The following CADPS variants were observed in gnomAD, a reference collection of about 807,000 sequenced individuals.
CADPS encodes the protein calcium dependent secretion activator, also known as calcium-dependent secretion activator 1.
In CADPS, 57 loss-of-function variants were observed where a neutral mutation model predicts 167.3. The observed-to-expected ratio is 0.34, with a 90% CI of 0.28 to 0.42. The LOEUF (loss-of-function observed/expected upper bound fraction) is 0.42, where lower values mean the gene tolerates loss of function less well. Ranked by LOEUF, CADPS falls within the 20% of genes least tolerant of loss-of-function variation. The pLI is 1.00. For missense variants in CADPS, 1,414 were observed against 1,738.1 expected (o/e 0.81, Z 3.32); for synonymous variants, 676 against 635.3 (o/e 1.06, Z -0.96).
At chr3:62,429,781 A>T (rs1162528925) in intron 28 of CADPS, among the ~76,000 whole-genome samples, 1 of 152,202 alleles carries the variant, frequency 6.6e-6, no homozygotes, top group East Asian at 1.9e-4. Context: ...CTGTGACCTT[A>T]ACGTAACAGA....
At chr3:62,622,399 C>T (rs573130981) in intron 6 of CADPS, among the ~76,000 whole-genome samples, 1 of 152,202 alleles carries the variant, frequency 6.6e-6, no homozygotes, top group South Asian at 2.1e-4. Flanking sequence ...TTTTCCGGGC[C>T]ACTGAAACTT....
intron 3 of CADPS, among the ~76,000 whole-genome samples, chr3:62,723,409 G>A (rs2076170428): frequency 6.6e-6 from 1 of 152,130 alleles, no homozygotes; most frequent in South Asian, 2.1e-4. Flanking sequence ...AGAGGAAAAT[G>A]GACACAGTGT....
intron 1 of CADPS, among the ~76,000 whole-genome samples, chr3:62,867,515 C>A (rs1005916142): frequency 6.6e-6 from 1 of 152,036 alleles, no homozygotes; most frequent in African/African-American, 2.4e-5. Flanking sequence ...AATGTCTCAA[C>A]AAAAGTGAAA....
intron 6 of CADPS, among the ~76,000 whole-genome samples, chr3:62,637,207 AG>A (rs1214572822): frequency 2.6e-5 from 4 of 152,098 alleles, no homozygotes; most frequent in African/African-American, 9.7e-5. Context: ...TTTCAAATTT[AG>A]GGAAACTGAG....
At chr3:62,536,067 A>G (rs1272048713) in intron 12 of CADPS, 1 of 173,758 alleles carries the variant, frequency 5.8e-6, no homozygotes, top group African/African-American at 2.4e-5. Flanking sequence ...ATGTAATGAG[A>G]TAGGATTACC....
intron 1 of CADPS, among the ~76,000 whole-genome samples, chr3:62,794,697 T>C (rs1036589184): frequency 1.3e-5 from 2 of 148,216 alleles, no homozygotes; most frequent in African/African-American, 5.0e-5. Flanking sequence ...CTTTTTTCCC[T>C]AAGGATGGGA....
intron 3 of CADPS, among the ~76,000 whole-genome samples, chr3:62,685,840 C>T (rs2077926536): frequency 6.6e-6 from 1 of 152,090 alleles, no homozygotes; most frequent in African/African-American, 2.4e-5. Context: ...TCTAATTCTG[C>T]CACTGATCTG....
At chr3:62,464,080 T>C (rs1216974766) in intron 26 of CADPS, among the ~76,000 whole-genome samples, 1 of 152,206 alleles carries the variant, frequency 6.6e-6, no homozygotes, top group East Asian at 1.9e-4. Flanking sequence ...ATAGTTGCCA[T>C]TTATTGAACT....
intron 24 of CADPS, among the ~76,000 whole-genome samples, chr3:62,472,113 A>G (rs984419131): frequency 1.3e-5 from 2 of 152,188 alleles, no homozygotes; most frequent in Non-Finnish European, 2.9e-5. Flanking sequence ...ACGGCCACAT[A>G]TTGTATGATT....
At chr3:62,599,564 T>C (rs2059407513) in intron 6 of CADPS, among the ~76,000 whole-genome samples, 1 of 99,876 alleles carries the variant, frequency 1.0e-5, no homozygotes, top group Non-Finnish European at 1.8e-5. Context: ...AATTATATAA[T>C]TATATAAATT....
chr3:62,729,754 A>G (rs952782404), intron 3 of CADPS, among the ~76,000 whole-genome samples: 7 of 151,794 alleles, frequency 4.6e-5, no homozygotes, highest in Admixed American at 6.6e-5. Flanking sequence ...GTAACCTTGT[A>G]TATCCTGCCT....
chr3:62,572,562 C>T (rs570614596), intron 8 of CADPS, among the ~76,000 whole-genome samples: 1 of 152,258 alleles, frequency 6.6e-6, no homozygotes, highest in South Asian at 2.1e-4. Flanking sequence ...GTGCCTCAAA[C>T]TTTGGCCTCT....
In CADPS at chr3:62,588,302, T is replaced by TTC. The variant is rs948896822; in HGVS notation, c.1438-2979_1438-2978insGA. 4.0e-5 allele frequency among the ~76,000 whole-genome samples: 6 copies of TTC among 151,702 alleles called. No individual in the cohort carries two copies. In the South Asian group the frequency reaches 1.3e-3, roughly 32 times the overall value. Reference sequence around the variant, plus strand: ...TGCTTCATTTCCAGGTCTTTCTTTTTTTTTTTTTTTTCCTAGCAGAACACT... The same window carrying TTC: ...TGCTTCATTTCCAGGTCTTTCTTTTTTCTTTTTTTTTTTCCTAGCAGAACACT... On this transcript the variant is annotated intron_variant, in intron 7 of 29. Transcript: ENST00000383710.
chr3:62,844,401 A>G (rs1334230183), intron 1 of CADPS, among the ~76,000 whole-genome samples: 3 of 152,190 alleles, frequency 2.0e-5, no homozygotes, highest in Non-Finnish European at 2.9e-5. Context: ...ACTTTTTGAC[A>G]TAATTGCCTG....
intron 8 of CADPS, among the ~76,000 whole-genome samples, chr3:62,572,287 G>A (rs2081431497): frequency 1.3e-5 from 2 of 152,114 alleles, no homozygotes; most frequent in African/African-American, 4.8e-5. Context: ...CAGTCGCCAA[G>A]TGCAGTTGAG....
At chr3:62,720,818 T>G (rs534886488) in intron 3 of CADPS, among the ~76,000 whole-genome samples, 240 of 151,474 alleles carry the variant, frequency 1.6e-3, no homozygotes, top group African/African-American at 5.2e-3. Flanking sequence ...GTTAGTTTTT[T>G]TTTTTTTTTT....
At chr3:62,756,398 G>T (rs937926518) in intron 2 of CADPS, among the ~76,000 whole-genome samples, 1 of 152,076 alleles carries the variant, frequency 6.6e-6, no homozygotes, top group Admixed American at 6.6e-5. Flanking sequence ...ATACACCAAA[G>T]GAATTGAACA....
In CADPS at chr3:62,495,024, G is replaced by A. The variant is rs542472864; in HGVS notation, c.2707-1359C>T. Reference sequence around the variant, plus strand: ...AGGTCATAAGAAGTGCCACTTCTACGATCTATAGAGAACTTCATCCCTCAT... The same window carrying A: ...AGGTCATAAGAAGTGCCACTTCTACAATCTATAGAGAACTTCATCCCTCAT... On this transcript the variant is annotated intron_variant, in intron 18 of 29. Transcript: ENST00000383710. Among the ~76,000 whole-genome samples, 3 of 152,170 alleles carry A rather than the reference G, an allele frequency of 2.0e-5. No homozygotes were observed. In the East Asian group the frequency reaches 5.8e-4, roughly 29 times the overall value.
intron 1 of CADPS, among the ~76,000 whole-genome samples, chr3:62,827,545 C>G (rs141847265): frequency 1.3e-3 from 200 of 152,244 alleles, no homozygotes; most frequent in Non-Finnish European, 2.1e-3. Context: ...TGCCTTTGGT[C>G]TCTAAATTCA....
Sources: gnomAD v4.1 joint callset for allele counts (sites outside exome capture counted in the v4.1 genomes callset) on GRCh38, gnomAD v4.1.1 for gene constraint, MANE v1.5 for transcripts, NCBI Gene and HGNC (gene_info 2026-07-23, HGNC 2026-07-21) for gene names.